Variants in CEP89 observed in about 807,000 individuals in gnomAD.
CEP89 encodes centrosomal protein 89, also known as centrosomal protein of 89 kDa.
CEP89 carries 95 observed loss-of-function variants against 97.6 expected under a neutral mutation model. The observed-to-expected ratio is 0.97, with a 90% CI of 0.82 to 1.15. The LOEUF is 1.15. CEP89 is among the 50% of genes most tolerant of loss of function. CEP89 has a pLI of 0.00. For synonymous variants in CEP89, 354 were observed against 349.1 expected, an observed-to-expected ratio of 1.01 and a Z score of -0.16; for missense variants, 869 against 947.7, an observed-to-expected ratio of 0.92 and a Z score of 1.09.
At chr19:32,917,831 A>G in intron 13 of CEP89, 4 of 982,770 alleles carry the variant, frequency 4.1e-6, no homozygotes, top group Non-Finnish European at 4.8e-6. Flanking sequence ...GGAAGGACAC[A>G]GGGGAACTGT....
chr19:32,960,503 C>A (rs995723029), intron 2 of CEP89, among the ~76,000 whole-genome samples: 3 of 151,980 alleles, frequency 2.0e-5, no homozygotes, highest in Non-Finnish European at 2.9e-5. Context: ...ACAGATTTAC[C>A]CTCCTGCCTA....
intron 14 of CEP89, 110 bp downstream of exon 14, chr19:32,915,227 G>T: frequency 1.0e-6 from 1 of 963,910 alleles, no homozygotes; most frequent in Non-Finnish European, 1.5e-6. Flanking sequence ...GAGAGGCTGG[G>T]ATGGGCAGAT....
intron 6 of CEP89, among the ~76,000 whole-genome samples, chr19:32,939,507 T>C (rs1027255675): frequency 6.6e-6 from 1 of 151,810 alleles, no homozygotes; most frequent in Non-Finnish European, 1.5e-5. Flanking sequence ...TGAAACCCCA[T>C]CTTTATCAAA....
intron 2 of CEP89, among the ~76,000 whole-genome samples, chr19:32,964,212 G>A (rs547162055): frequency 1.1e-4 from 17 of 149,532 alleles, no homozygotes; most frequent in South Asian, 2.1e-4. Context: ...TCGCTTTGTT[G>A]CCCAGGCTAG....
rs530442960 is a variant in CEP89 at position 32,916,836 on chromosome 19, C to A, written c.1385-1319G>T. 2.6e-4 allele frequency among the ~76,000 whole-genome samples: 40 copies of A among 152,090 alleles called. No individual in the cohort carries two copies. The South Asian group carries it at 8.3e-3, about 32-fold the overall frequency. ...GACCAGCCTGGCCAACATGGTGAAACACCCCTACTGAAAATACAAAAATTA... is the reference window on the plus strand; with the variant it reads ...GACCAGCCTGGCCAACATGGTGAAAAACCCCTACTGAAAATACAAAAATTA... On this transcript the variant is annotated intron_variant, in intron 13 of 18. Transcript: ENST00000305768.
At chr19:32,908,615 A>C (rs1969937890) in intron 14 of CEP89, among the ~76,000 whole-genome samples, 1 of 152,228 alleles carries the variant, frequency 6.6e-6, no homozygotes, top group South Asian at 2.1e-4. Flanking sequence ...TTGGCTACAG[A>C]AGCTGAGGAC....
intron 9 of CEP89, among the ~76,000 whole-genome samples, chr19:32,927,310 C>T (rs572508380): frequency 5.2e-4 from 79 of 152,180 alleles, no homozygotes; most frequent in African/African-American, 1.8e-3. Context: ...CCTCTAAATA[C>T]TTGTATTTCC....
rs1421400896 is a variant in CEP89, at chr19:32,959,973, C to G, written c.232G>C (p.Glu78Gln). 2 of 1,614,098 alleles carry G rather than the reference C, an allele frequency of 1.2e-6. No homozygotes were observed. The highest frequency in any genetic ancestry group is 1.7e-5 in the Admixed American group (1 of 59,982). Residue 78 changes from glutamate to glutamine, a missense_variant, in exon 3 of 19, where the codon GAG becomes CAG. Glu to Gln is a conservative substitution (Grantham distance 29, BLOSUM62 2). Coordinates refer to ENST00000305768, the MANE Select transcript of CEP89 (RefSeq NM_032816.5). ...TGTTCAACACTGCTCACATCACTCTCAGACCGGGACCTCTGGCGAGGCTGA... is the reference window on the plus strand; with the variant it reads ...TGTTCAACACTGCTCACATCACTCTGAGACCGGGACCTCTGGCGAGGCTGA... The part of the protein sequence containing the change: ...IPQPRQRSRS[E>Q]SDVSSVEQDS...
chr19:32,878,975 AAATT>A lies in CEP89; in HGVS notation c.*183_*186del. ...AGACCCTAGCTCTAAAAAAAAAAAA[AAATT>A]AAAAAATAAAGCAAAATGTTATCAA... On this transcript the variant is annotated 3_prime_UTR_variant, in exon 19 of 19. Transcript: ENST00000305768. The A allele has an allele frequency of 2.1e-6, 1 of 465,726 alleles. No homozygotes were observed. The highest frequency in any genetic ancestry group is 3.7e-6 in the Non-Finnish European group (1 of 267,858). The allele number at this position is 465,726 out of a possible 1,614,324, so 28.8% of individuals were successfully genotyped here.
At chr19:32,932,801 T>C (rs995027259) in intron 8 of CEP89, among the ~76,000 whole-genome samples, 9 of 151,392 alleles carry the variant, frequency 5.9e-5, no homozygotes, top group African/African-American at 1.9e-4. Context: ...AAAAAAAAAC[T>C]TAGCCAGGCA....
intron 6 of CEP89, among the ~76,000 whole-genome samples, 198 bp downstream of exon 6, chr19:32,939,659 C>G (rs545560156): frequency 2.8e-5 from 4 of 144,708 alleles, no homozygotes; most frequent in Non-Finnish European, 6.0e-5. Flanking sequence ...GTCTGGGTGA[C>G]AGTGAGACCC....
intron 3 of CEP89, among the ~76,000 whole-genome samples, chr19:32,959,202 C>T (rs1011342047): frequency 6.6e-6 from 1 of 152,054 alleles, no homozygotes; most frequent in East Asian, 1.9e-4. Flanking sequence ...GGTCCCTGCC[C>T]ACTCCTCCAG....
At chr19:32,883,161 C>T (rs986100247) in intron 17 of CEP89, among the ~76,000 whole-genome samples, 8 of 151,888 alleles carry the variant, frequency 5.3e-5, no homozygotes, top group African/African-American at 1.7e-4. Flanking sequence ...CGCGCCCGGC[C>T]GAGCATTTCT....
In CEP89 at chr19:32,933,539, T is replaced by C. The variant is rs768932617; in HGVS notation, c.798A>G (p.Gln266=). ...SLTLELNTMK[Q]AMKELQLKLK... ...GTTTTAACTGTAGTTCTTTCATTGC[T>C]TGTTTCATTGTGTTTAGTTCAAGGG... The change falls in exon 8 of 19, where the codon CAA becomes CAG. Residue 266 remains glutamine, a synonymous_variant. Transcript: ENST00000305768. 1.1e-5 allele frequency: 18 copies of C among 1,614,040 alleles called. No homozygotes were observed. The East Asian group carries it at 4.0e-4, about 36-fold the overall frequency.
chr19:32,901,491 G>A, intron 14 of CEP89, 79 bp from the exon 15 acceptor site: 1 of 1,442,572 alleles, frequency 6.9e-7, no homozygotes, highest in Non-Finnish European at 9.5e-7. Context: ...AGGAAGATGA[G>A]TGATAACAGC....
intron 9 of CEP89, among the ~76,000 whole-genome samples, chr19:32,930,978 C>A (rs894194364): frequency 6.6e-6 from 1 of 152,092 alleles, no homozygotes; most frequent in African/African-American, 2.4e-5. Flanking sequence ...CTTGACCTCC[C>A]ATGCTCAAGA....
chr19:32,909,574 G>A (rs1969956241), intron 14 of CEP89, among the ~76,000 whole-genome samples: 1 of 152,152 alleles, frequency 6.6e-6, no homozygotes, highest in African/African-American at 2.4e-5. Flanking sequence ...GATAACAGAG[G>A]ACTAAGGAAG....
intron 4 of CEP89, among the ~76,000 whole-genome samples, chr19:32,952,033 A>G (rs1970930695): frequency 2.6e-5 from 4 of 152,272 alleles, no homozygotes; most frequent in Admixed American, 2.6e-4. Context: ...AGTTGTCCAT[A>G]TTGAGCTCTG....
chr19:32,942,227 C>G (rs897747418), intron 5 of CEP89, among the ~76,000 whole-genome samples: 1 of 152,048 alleles, frequency 6.6e-6, no homozygotes, highest in East Asian at 1.9e-4. Flanking sequence ...ACAAAAAATA[C>G]CAAATTAGTC....
Sources: allele counts gnomAD v4.1 joint callset (sites outside exome capture counted in the v4.1 genomes callset), GRCh38; gene constraint gnomAD v4.1.1; transcripts MANE v1.5; gene names NCBI Gene and HGNC (gene_info 2026-07-23, HGNC 2026-07-21).